The following MGAT4C variants were observed in gnomAD, a reference collection of about 807,000 sequenced individuals.
The protein encoded by MGAT4C is alpha-1,3-mannosyl-glycoprotein 4-beta-N-acetylglucosaminyltransferase C.
A neutral mutation model predicts 40.1 loss-of-function variants in MGAT4C; 19 were observed. The observed-to-expected ratio is 0.47, with a 90% CI of 0.33 to 0.70. MGAT4C has a LOEUF of 0.70. Among genes scored for constraint, MGAT4C ranks in the 30% least tolerant of loss-of-function variants. The pLI is 0.02. For missense variants in MGAT4C, 491 were observed against 563.2 expected, an observed-to-expected ratio of 0.87 and a Z score of 1.30; for synonymous variants, 181 against 187.1, an observed-to-expected ratio of 0.97 and a Z score of 0.27.
intron 2 of MGAT4C, among the ~76,000 whole-genome samples, chr12:86,698,600 T>C (rs1316908291): frequency 2.6e-5 from 4 of 152,098 alleles, no homozygotes; most frequent in African/African-American, 9.7e-5. Context: ...AATATGCTTT[T>C]TGGAGGATTA....
chr12:86,471,543 A>G (rs1957757995), intron 2 of MGAT4C, among the ~76,000 whole-genome samples: 1 of 152,088 alleles, frequency 6.6e-6, no homozygotes, highest in Non-Finnish European at 1.5e-5. Context: ...AAAAAAGGAG[A>G]AAATGAGAAG....
chr12:86,644,099 A>C (rs1460532631), intron 2 of MGAT4C, among the ~76,000 whole-genome samples: 9 of 151,572 alleles, frequency 5.9e-5, no homozygotes, highest in Non-Finnish European at 1.3e-4. Flanking sequence ...GCTTTTTATA[A>C]TCACTTTGAT....
At chr12:86,385,019 C>T (rs1299392855) in intron 3 of MGAT4C, among the ~76,000 whole-genome samples, 1 of 152,118 alleles carries the variant, frequency 6.6e-6, no homozygotes, top group African/African-American at 2.4e-5. Context: ...CAGTTTTTCC[C>T]CTACTAAAAA....
intron 2 of MGAT4C, among the ~76,000 whole-genome samples, chr12:86,461,837 T>C (rs192702293): frequency 6.6e-6 from 1 of 152,328 alleles, no homozygotes; most frequent in East Asian, 1.9e-4. Context: ...TTTTGTGCTG[T>C]GGTGAATATT....
At position 86,750,468 on chromosome 12, in the gene MGAT4C, A is replaced by T. The variant is rs73393128; in HGVS notation, c.-261-23227T>A. On this transcript the variant is annotated intron_variant, in intron 1 of 7. Coordinates refer to the MGAT4C transcript ENST00000548651. ...TTTTGACTCACCTCCAAGGCATTTG[A>T]GTGTGAGATGCTTGCCTAGACAAAC... 2.0e-3 allele frequency among the ~76,000 whole-genome samples: 302 copies of T among 151,994 alleles called. 1 individual carries two copies. The highest frequency in any genetic ancestry group is 7.1e-3 in the African/African-American group (294 of 41,530).
chr12:86,054,317 C>G (rs1336558163), intron 1 of MGAT4C, among the ~76,000 whole-genome samples: 1 of 151,812 alleles, frequency 6.6e-6, no homozygotes, highest in African/African-American at 2.4e-5. Flanking sequence ...AAACCAAGCA[C>G]AAAGAGACAG....
chr12:86,724,836 G>A (rs1422940710), intron 2 of MGAT4C, among the ~76,000 whole-genome samples: 2 of 152,146 alleles, frequency 1.3e-5, no homozygotes, highest in South Asian at 4.1e-4. Context: ...CCCAAAGCAG[G>A]CCAGCCTCTA....
chr12:86,695,538 A>G (rs1328581165), intron 2 of MGAT4C, among the ~76,000 whole-genome samples: 1 of 152,206 alleles, frequency 6.6e-6, no homozygotes, highest in Non-Finnish European at 1.5e-5. Flanking sequence ...CAACGTATGA[A>G]TGAATAAAGA....
At position 86,676,719 on chromosome 12, in the gene MGAT4C, G is replaced by C. The variant is rs1216419639; in HGVS notation, c.-229+50490C>G. 2.0e-5 allele frequency among the ~76,000 whole-genome samples: 3 copies of C among 152,084 alleles called. 1 individual carries two copies. Among genetic ancestry groups the C allele is most frequent in the Non-Finnish European group, 4.4e-5 (3 of 68,000 alleles). The stretch of plus-strand genomic sequence containing the variant: ...AAAAAAGTAACTTTCATTTTGACTT[G>C]TCAGTGCTATGGTACCCAGGAGACA... On this transcript the variant is annotated intron_variant, in intron 2 of 7. Transcript: ENST00000548651.
chr12:86,042,670 C>T (rs1891974495), intron 2 of MGAT4C, among the ~76,000 whole-genome samples: 1 of 151,814 alleles, frequency 6.6e-6, no homozygotes, highest in Non-Finnish European at 1.5e-5. Flanking sequence ...TTGAGACCAT[C>T]CTGGCTAACA....
chr12:86,459,826 C>G (rs2136294462), intron 2 of MGAT4C, among the ~76,000 whole-genome samples: 1 of 151,468 alleles, frequency 6.6e-6, no homozygotes, highest in South Asian at 2.1e-4. Context: ...GTCCTCTTTG[C>G]TCTACTCTCA....
At chr12:86,712,101 A>G (rs1263024584) in intron 2 of MGAT4C, among the ~76,000 whole-genome samples, 1 of 152,160 alleles carries the variant, frequency 6.6e-6, no homozygotes, top group Non-Finnish European at 1.5e-5. Context: ...TTCCCATTTC[A>G]TTTATTTATT....
At chr12:86,825,356 T>C (rs1952785287) in intron 1 of MGAT4C, among the ~76,000 whole-genome samples, 1 of 151,320 alleles carries the variant, frequency 6.6e-6, no homozygotes, top group Admixed American at 6.6e-5. Context: ...ATCTTTGCTA[T>C]ATACGAGATA....
chr12:86,440,439 T>TA (rs2136277451), intron 2 of MGAT4C, among the ~76,000 whole-genome samples: 1 of 152,036 alleles, frequency 6.6e-6, no homozygotes, highest in East Asian at 1.9e-4. Flanking sequence ...CCCTTTATGA[T>TA]AAAAACTCTC....
chr12:86,196,416 G>C (rs1016303842), intron 1 of MGAT4C, among the ~76,000 whole-genome samples: 2 of 152,216 alleles, frequency 1.3e-5, no homozygotes, highest in Non-Finnish European at 2.9e-5. Flanking sequence ...CCCTGCCCCT[G>C]AGGTACTGGG....
At chr12:86,768,298 T>C (rs1466964579) in intron 1 of MGAT4C, among the ~76,000 whole-genome samples, 1 of 152,070 alleles carries the variant, frequency 6.6e-6, no homozygotes, top group Non-Finnish European at 1.5e-5. Flanking sequence ...TACTTAGGAA[T>C]CCAACTTACG....
chr12:86,213,936 C>T (rs1950576030), intron 1 of MGAT4C, among the ~76,000 whole-genome samples: 1 of 152,306 alleles, frequency 6.6e-6, no homozygotes, highest in South Asian at 2.1e-4. Flanking sequence ...CTATTGTATG[C>T]CCATAAGACT....
chr12:86,087,927 C>T (rs10863165), intron 1 of MGAT4C, among the ~76,000 whole-genome samples: 31,344 of 151,844 alleles, frequency 0.21, 4,248 homozygotes, highest in African/African-American at 0.38. Flanking sequence ...ATAGCCAAGG[C>T]AACCCTAAGC....
chr12:86,334,087 C>G lies in MGAT4C; in HGVS notation c.-79G>C, dbSNP rs1056207170. The G allele has an allele frequency of 5.3e-5, 8 of 152,170 alleles. No individual in the cohort carries two copies. The South Asian group carries it at 8.3e-4, about 16-fold the overall frequency. 9.4% of individuals were successfully genotyped at this position (152,170 alleles called of 1,614,324 possible). On this transcript the variant is annotated 5_prime_UTR_variant, in exon 4 of 8. Transcript: ENST00000548651. Reference sequence around the variant, plus strand: ...CACGTTTTAGTTTCTGTAGAGATAGCCTTTCTCACGCAGAATCAGGGCTGT... The same window carrying G: ...CACGTTTTAGTTTCTGTAGAGATAGGCTTTCTCACGCAGAATCAGGGCTGT...
Sources: allele counts gnomAD v4.1 joint callset (sites outside exome capture counted in the v4.1 genomes callset), GRCh38; gene constraint gnomAD v4.1.1; transcripts MANE v1.5; gene names NCBI Gene and HGNC (gene_info 2026-07-23, HGNC 2026-07-21).